Variants in SLC68A1 observed in about 807,000 individuals in gnomAD.
SLC68A1 encodes the protein solute carrier family 68 member 1, also known as major facilitator superfamily domain containing 13A.
At chr10:102,469,747 A>C in the SLC68A1 span, 1 of 634,046 alleles carries the variant, frequency 1.6e-6, no homozygotes, top group African/African-American at 2.0e-5. Context: ...GGGTTTCGCC[A>C]TGTTGGCCAG....
chr10:102,473,486 AATGC>A, the SLC68A1 span: 1 of 1,363,040 alleles, frequency 7.3e-7, no homozygotes, highest in East Asian at 2.3e-5. Context: ...AGTGTACAGG[AATGC>A]AGTCGGCTGT....
the SLC68A1 span, chr10:102,472,873 A>G: frequency 1.2e-6 from 2 of 1,614,150 alleles, no homozygotes; most frequent in East Asian, 2.2e-5. Flanking sequence ...TGCCACTTCA[A>G]CAGCAACTTC....
chr10:102,467,180 G>T, the SLC68A1 span, among the ~76,000 whole-genome samples: 2 of 152,194 alleles, frequency 1.3e-5, no homozygotes, highest in Non-Finnish European at 2.9e-5. Context: ...GGGATTACAG[G>T]CGCCCGCCAC....
chr10:102,472,460 C>T, the SLC68A1 span, among the ~76,000 whole-genome samples: 11 of 152,060 alleles, frequency 7.2e-5, no homozygotes, highest in Admixed American at 2.0e-4. Flanking sequence ...GACGGGGTTT[C>T]GCCATGTTGG....
At chr10:102,472,755 G>A in the SLC68A1 span, 2 of 867,510 alleles carry the variant, frequency 2.3e-6, no homozygotes, top group Admixed American at 3.4e-5. Flanking sequence ...CTGCTCTGAG[G>A]ATGGGGAGTT....
At chr10:102,471,404 GA>G in the SLC68A1 span, 1 of 1,608,408 alleles carries the variant, frequency 6.2e-7, no homozygotes, top group Non-Finnish European at 8.5e-7. Context: ...CAGGTATGGG[GA>G]GCAGCTCCCG....
chr10:102,461,517 A>C, the SLC68A1 span: 1 of 152,380 alleles, frequency 6.6e-6, no homozygotes, highest in Non-Finnish European at 1.5e-5. Context: ...GATCTGGCAC[A>C]AACGACAGAC....
the SLC68A1 span, among the ~76,000 whole-genome samples, chr10:102,462,621 G>T: frequency 3.3e-5 from 5 of 152,216 alleles, no homozygotes; most frequent in South Asian, 2.1e-4. Flanking sequence ...GGCCTGGTAG[G>T]GTGAAGGGGA....
At chr10:102,470,766 T>G in the SLC68A1 span, 2 of 1,613,926 alleles carry the variant, frequency 1.2e-6, no homozygotes, top group Non-Finnish European at 1.7e-6. Context: ...GCGTTCTGGG[T>G]GCCCTGGGCC....
the SLC68A1 span, chr10:102,474,030 G>C: frequency 6.3e-7 from 1 of 1,577,406 alleles, no homozygotes; most frequent in Non-Finnish European, 8.6e-7. Context: ...CCTGGTAGCA[G>C]GCAAGGGCTC....
the SLC68A1 span, among the ~76,000 whole-genome samples, chr10:102,464,748 C>A: frequency 1.4e-5 from 2 of 143,066 alleles, no homozygotes; most frequent in Non-Finnish European, 3.0e-5. Context: ...CGAGATTGTG[C>A]CACTGCACTC....
chr10:102,473,513 G>A, the SLC68A1 span: 142 of 1,514,572 alleles, frequency 9.4e-5, no homozygotes, highest in Admixed American at 3.8e-4. Context: ...AGCTGATGGC[G>A]CTCACTGGCA....
At chr10:102,475,715 G>A in the SLC68A1 span, 2 of 1,586,166 alleles carry the variant, frequency 1.3e-6, no homozygotes, top group Non-Finnish European at 1.7e-6. Flanking sequence ...GTGCTCTCTT[G>A]TCCTAGGTCA....
chr10:102,471,335 A>G, the SLC68A1 span: 2 of 1,613,898 alleles, frequency 1.2e-6, no homozygotes, highest in Admixed American at 1.7e-5. Flanking sequence ...TTGGGCCGGT[A>G]TCTCCGGCAG....
chr10:102,474,275 A>G, the SLC68A1 span, among the ~76,000 whole-genome samples: 1 of 151,908 alleles, frequency 6.6e-6, no homozygotes, highest in African/African-American at 2.4e-5. Context: ...TGAATAAGAT[A>G]GACAAAGTCT....
the SLC68A1 span, among the ~76,000 whole-genome samples, chr10:102,465,280 C>A: frequency 6.6e-6 from 1 of 151,374 alleles, no homozygotes; most frequent in Non-Finnish European, 1.5e-5. Flanking sequence ...AAAAAATTAG[C>A]CGAGTGTGGT....
chr10:102,470,062 A>G, the SLC68A1 span: 4 of 1,613,984 alleles, frequency 2.5e-6, no homozygotes, highest in Middle Eastern at 1.6e-4. Context: ...GCAGTTCCTC[A>G]GCTCCCAGCC....
At chr10:102,461,906 C>T in the SLC68A1 span, 1 of 152,248 alleles carries the variant, frequency 6.6e-6, no homozygotes, top group Non-Finnish European at 1.5e-5. Flanking sequence ...TTGCACAGCT[C>T]CTCAGGTGAT....
chr10:102,466,376 G>T, the SLC68A1 span, among the ~76,000 whole-genome samples: 1 of 151,586 alleles, frequency 6.6e-6, no homozygotes, highest in South Asian at 2.1e-4. Context: ...CCAGCTACTC[G>T]GGAGGCTGAG....
Sources: gnomAD v4.1 joint callset for allele counts (sites outside exome capture counted in the v4.1 genomes callset) on GRCh38, gnomAD v4.1.1 for gene constraint, MANE v1.5 for transcripts, NCBI Gene and HGNC (gene_info 2026-07-23, HGNC 2026-07-21) for gene names.